EYA3: variants seen among roughly 807,000 people sequenced by gnomAD.
EYA3 encodes EYA transcriptional coactivator and phosphatase 3, also known as protein phosphatase EYA3.
A neutral mutation model predicts 80.0 loss-of-function variants in EYA3; 39 were observed. The ratio of observed to expected loss-of-function variants is 0.49; its 90% CI spans 0.38 to 0.64. EYA3 has a LOEUF of 0.64. Ranked by LOEUF, EYA3 falls within the 30% of genes least tolerant of loss-of-function variation. The pLI, the probability that EYA3 is intolerant of heterozygous loss-of-function variation, is 0.00. For synonymous variants in EYA3, 206 were observed against 232.8 expected (o/e 0.88, Z 1.05); for missense variants, 523 against 676.1 (o/e 0.77, Z 2.51).
intron 12 of EYA3, among the ~76,000 whole-genome samples, chr1:27,999,728 T>G (rs1350853329): frequency 6.6e-6 from 1 of 152,154 alleles, no homozygotes; most frequent in Non-Finnish European, 1.5e-5. Context: ...CCAAATAAAC[T>G]AACAAAAATC....
rs185382682 is a variant in EYA3, at chr1:28,070,277, G to A, written c.-68-12183C>T. On this transcript the variant is annotated intron_variant, in intron 1 of 17. Coordinates refer to ENST00000373871, the MANE Select transcript of EYA3 (RefSeq NM_001990.4). ...GTGGGAAATGAAGAAATCTAAGTAAGGGGCCGGGTGCGGTGGCTCACACCT... is the reference window on the plus strand; with the variant it reads ...GTGGGAAATGAAGAAATCTAAGTAAAGGGCCGGGTGCGGTGGCTCACACCT... Among the ~76,000 whole-genome samples the A allele has an allele frequency of 5.3e-5, 8 of 152,122 alleles. No homozygotes were observed. The East Asian group carries it at 9.7e-4, about 18-fold the overall frequency.
At chr1:28,004,948 A>T (rs553944704) in intron 10 of EYA3, among the ~76,000 whole-genome samples, 1 of 152,244 alleles carries the variant, frequency 6.6e-6, no homozygotes, top group South Asian at 2.1e-4. Context: ...GGCTAAATTG[A>T]CTAAGGGAAA....
At chr1:28,069,421 T>C (rs1333061872) in intron 1 of EYA3, among the ~76,000 whole-genome samples, 4 of 151,208 alleles carry the variant, frequency 2.6e-5, no homozygotes, top group African/African-American at 9.7e-5. Flanking sequence ...AACAAGTAAT[T>C]TTAACTGGGG....
At chr1:28,004,751 T>C (rs990368335) in intron 10 of EYA3, among the ~76,000 whole-genome samples, 1 of 151,770 alleles carries the variant, frequency 6.6e-6, no homozygotes, top group Non-Finnish European at 1.5e-5. Context: ...TGATCCCAAA[T>C]CTATGACCTA....
intron 2 of EYA3, among the ~76,000 whole-genome samples, chr1:28,049,641 C>CA (rs1353922526): frequency 2.0e-5 from 3 of 151,920 alleles, no homozygotes; most frequent in South Asian, 2.1e-4. Flanking sequence ...CAGACTGTGA[C>CA]AAAAAAATCT....
intron 1 of EYA3, among the ~76,000 whole-genome samples, chr1:28,063,663 A>G (rs905099100): frequency 2.0e-5 from 3 of 152,136 alleles, no homozygotes; most frequent in African/African-American, 7.2e-5. Context: ...CCTTTATTAG[A>G]TATGATTTTC....
intron 7 of EYA3, among the ~76,000 whole-genome samples, chr1:28,017,843 A>G (rs1433189325): frequency 6.6e-6 from 1 of 152,156 alleles, no homozygotes; most frequent in Non-Finnish European, 1.5e-5. Flanking sequence ...AAACTCAGAA[A>G]ATATTAAATA....
At chr1:28,008,250 TA>T (rs1641440004) in intron 10 of EYA3, among the ~76,000 whole-genome samples, 1 of 152,030 alleles carries the variant, frequency 6.6e-6, no homozygotes, top group South Asian at 2.1e-4. Context: ...TGCAAAATAA[TA>T]AAGTTAGACC....
intron 6 of EYA3, among the ~76,000 whole-genome samples, chr1:28,035,120 G>A (rs1016298778): frequency 1.3e-5 from 2 of 152,062 alleles, no homozygotes; most frequent in Admixed American, 1.3e-4. Flanking sequence ...GTGGGGTTAG[G>A]GGAGAAAGGA....
At chr1:28,040,443 G>C (rs775636834) in intron 4 of EYA3, among the ~76,000 whole-genome samples, 5 of 152,148 alleles carry the variant, frequency 3.3e-5, no homozygotes, top group Non-Finnish European at 5.9e-5. Flanking sequence ...AATGAAATCA[G>C]GGGAGAAGTC....
At chr1:27,997,758 T>A (rs927064800) in intron 12 of EYA3, among the ~76,000 whole-genome samples, 3 of 152,184 alleles carry the variant, frequency 2.0e-5, no homozygotes, top group African/African-American at 7.2e-5. Flanking sequence ...CTCCTTTGCA[T>A]CTCTCTGATC....
At chr1:28,061,876 G>A (rs1428185921) in intron 1 of EYA3, among the ~76,000 whole-genome samples, 1 of 151,972 alleles carries the variant, frequency 6.6e-6, no homozygotes, top group East Asian at 1.9e-4. Context: ...TGGCATTACA[G>A]GTGTGAGCCA....
chr1:28,038,439 T>TAAAAAAAAAAAAAAAAAAAAA (rs74525723), intron 5 of EYA3, among the ~76,000 whole-genome samples: 1 of 68,500 alleles, frequency 1.5e-5, no homozygotes, highest in African/African-American at 5.7e-5. Flanking sequence ...GATTCTATCT[T>TAAAAAAAAAAAAAAAAAAAAA]AAAAAAAAAA....
At chr1:28,061,580 G>C (rs1424859223) in intron 1 of EYA3, among the ~76,000 whole-genome samples, 1 of 149,386 alleles carries the variant, frequency 6.7e-6, no homozygotes, top group Non-Finnish European at 1.5e-5. Context: ...ATTAGTTCTA[G>C]AATTTAACGT....
At chr1:28,020,058 TG>T (rs113421307) in intron 7 of EYA3, among the ~76,000 whole-genome samples, 3,751 of 152,170 alleles carry the variant, frequency 0.025, 94 homozygotes, top group African/African-American at 0.062. Context: ...CTGATCTCTA[TG>T]GGGGAAAATG....
chr1:28,005,020 T>C (rs201148052), intron 10 of EYA3, among the ~76,000 whole-genome samples: 1 of 152,128 alleles, frequency 6.6e-6, no homozygotes, highest in Non-Finnish European at 1.5e-5. Flanking sequence ...ACCAGTTTTA[T>C]AGAAATAAGG....
intron 17 of EYA3, 37 bp from the exon 18 acceptor site, chr1:27,974,583 C>A: frequency 1.3e-6 from 2 of 1,538,398 alleles, no homozygotes; most frequent in Non-Finnish European, 1.8e-6. Context: ...AATCCAACTT[C>A]TTCTGAGAGC....
At chr1:27,980,415 G>A (rs1639221018) in intron 16 of EYA3, among the ~76,000 whole-genome samples, 1 of 152,156 alleles carries the variant, frequency 6.6e-6, no homozygotes, top group South Asian at 2.1e-4. Context: ...AACAAAGGCA[G>A]TAACTCATAT....
chr1:28,000,037 C>T lies in EYA3; in HGVS notation c.1006G>A (p.Val336Met), dbSNP rs1414378637. ...TCCATTGTTAAACCTGAGCCAATCA[C>T]TACTGTTGGGTCCTAGAAGACAATA... ...AQKYGKDPTVVIGSGLTMEEM... is the reference protein window; with the variant it reads ...AQKYGKDPTVMIGSGLTMEEM... The change falls in exon 12 of 18, where the codon GTG becomes ATG. Residue 336 changes from valine (V) to methionine (M), a missense_variant. Physicochemically the swap from Val to Met is conservative, Grantham distance 21 (BLOSUM62 1). This residue lies in a region of EYA3 where 219 missense variants were observed against 332.8 expected (regional missense o/e 0.66). Coordinates refer to ENST00000373871, the MANE Select transcript of EYA3 (RefSeq NM_001990.4). The T allele has an allele frequency of 1.2e-6, 2 of 1,608,058 alleles. No individual in the cohort carries two copies. Among genetic ancestry groups the T allele is most frequent in the African/African-American group, 2.7e-5 (2 of 74,712 alleles).
Sources: gnomAD v4.1 joint callset for allele counts (sites outside exome capture counted in the v4.1 genomes callset) on GRCh38, gnomAD v4.1.1 for gene constraint, gnomAD v4.1.1 regional missense constraint, MANE v1.5 for transcripts, NCBI Gene and HGNC (gene_info 2026-07-23, HGNC 2026-07-21) for gene names.